The following GLCCI1 variants were observed in gnomAD, a reference collection of about 807,000 sequenced individuals.
GLCCI1 encodes the protein glucocorticoid-induced transcript 1 protein.
GLCCI1 carries 24 observed loss-of-function variants against 52.2 expected under a neutral mutation model. That is an observed-to-expected ratio of 0.46 (90% CI 0.33 to 0.65). The LOEUF (loss-of-function observed/expected upper bound fraction) is 0.65, where lower values mean the gene tolerates loss of function less well. GLCCI1 is among the 30% of genes least tolerant of loss of function. The pLI is 0.02. For synonymous variants in GLCCI1, 310 were observed against 276.5 expected, an observed-to-expected ratio of 1.12 and a Z score of -1.20; for missense variants, 704 against 701.5, an observed-to-expected ratio of 1.00 and a Z score of -0.04.
At chr7:8,081,214 G>A (rs6463760) in intron 6 of GLCCI1, among the ~76,000 whole-genome samples, 14,477 of 152,108 alleles carry the variant, frequency 0.095, 887 homozygotes, top group East Asian at 0.16. Flanking sequence ...CCCCAAGGCA[G>A]TGCTTGGCTC....
intron 5 of GLCCI1, among the ~76,000 whole-genome samples, chr7:8,069,216 C>G (rs1782699600): frequency 6.6e-6 from 1 of 151,862 alleles, no homozygotes; most frequent in Non-Finnish European, 1.5e-5. Flanking sequence ...CTCTGGGGTC[C>G]ACCCCAGAGA....
chr7:7,976,496 A>AAAAAAAAAAAAG (rs1562413199), intron 1 of GLCCI1, among the ~76,000 whole-genome samples: 5 of 143,854 alleles, frequency 3.5e-5, no homozygotes, highest in African/African-American at 1.4e-4. Flanking sequence ...AAAAAAAAAA[A>AAAAAAAAAAAAG]AAGGAAAGGA....
intron 2 of GLCCI1, among the ~76,000 whole-genome samples, chr7:8,019,884 T>C (rs1409606328): frequency 2.0e-5 from 3 of 152,164 alleles, no homozygotes; most frequent in Admixed American, 6.5e-5. Context: ...CCTGCTCCAA[T>C]TGGGTCAGTG....
Position 8,070,963 on chromosome 7 carries a change from C to A in GLCCI1, c.1009C>A (p.His337Asn). ...PDGRRAPLPA[H>N]YRSSSTRSID... ...TGGTCGAAGAGCTCCACTTCCTGCT[C>A]ATTACCGGAGCAGTAGTACTCGCAG... is the stretch of plus-strand genomic sequence containing the variant. Residue 337 changes from histidine (H) to asparagine (N), a missense_variant, in exon 6 of 8, where the codon CAT (histidine) becomes AAT (asparagine). His to Asn is a moderately conservative substitution (Grantham distance 68). Coordinates refer to ENST00000223145, the MANE Select transcript of GLCCI1 (RefSeq NM_138426.4). 1 of 1,614,190 alleles carries A rather than the reference C, an allele frequency of 6.2e-7. No homozygotes were observed. Among genetic ancestry groups the A allele is most frequent in the Non-Finnish European group, 8.5e-7 (1 of 1,180,022 alleles).
intron 1 of GLCCI1, among the ~76,000 whole-genome samples, chr7:7,978,628 G>A (rs1780546840): frequency 1.3e-5 from 2 of 152,088 alleles, no homozygotes; most frequent in Admixed American, 6.5e-5. Context: ...TGTGTTTATT[G>A]TTAGGAGAGC....
Position 8,086,227 on chromosome 7 carries a change from T to G in GLCCI1, c.1333T>G (p.Cys445Gly). 6.2e-6 allele frequency: 10 copies of G among 1,614,100 alleles called. No homozygotes were observed. Among genetic ancestry groups the G allele is most frequent in the Non-Finnish European group, 8.5e-6 (10 of 1,180,002 alleles). ...GCCTATCTCGGCCCCTCTCTTTTCATGTCCTGACAAAAACAAGGTTAATTT... is the reference window on the plus strand; with the variant it reads ...GCCTATCTCGGCCCCTCTCTTTTCAGGTCCTGACAAAAACAAGGTTAATTT... Reference protein sequence around the residue: ...RQPISAPLFSCPDKNKVNFIP... With the variant: ...RQPISAPLFSGPDKNKVNFIP... Residue 445 changes from cysteine to glycine, a missense_variant, in exon 8 of 8, where the codon TGT becomes GGT. Cys to Gly is a radical substitution (Grantham distance 159). This residue lies in a region of GLCCI1 where 149 missense variants were observed against 152.9 expected (regional missense o/e 0.97). Coordinates refer to ENST00000223145, the MANE Select transcript of GLCCI1 (RefSeq NM_138426.4). The surrounding 1 kb of genome is among the most constrained non-coding windows in gnomAD (Gnocchi z 4.4).
chr7:8,059,706 A>T (rs574638033), intron 4 of GLCCI1, among the ~76,000 whole-genome samples: 112 of 152,348 alleles, frequency 7.4e-4, no homozygotes, highest in African/African-American at 2.5e-3. Flanking sequence ...ACATCTTGTA[A>T]ACATACTCAT....
At chr7:7,997,544 G>T (rs1332900011) in intron 1 of GLCCI1, among the ~76,000 whole-genome samples, 1 of 152,080 alleles carries the variant, frequency 6.6e-6, no homozygotes, top group Non-Finnish European at 1.5e-5. Flanking sequence ...TTGGTATTTT[G>T]ATTTCAATGA....
chr7:7,993,400 C>A (rs1357146035), intron 1 of GLCCI1, among the ~76,000 whole-genome samples: 2 of 152,292 alleles, frequency 1.3e-5, no homozygotes, highest in South Asian at 2.1e-4. Flanking sequence ...TCAGTAATTT[C>A]TCTTTACTGT....
At chr7:8,066,557 G>A (rs2127963043) in intron 5 of GLCCI1, among the ~76,000 whole-genome samples, 1 of 150,554 alleles carries the variant, frequency 6.6e-6, no homozygotes, top group East Asian at 1.9e-4. Flanking sequence ...CTTTAGCTGT[G>A]TCCCATAGAA....
At chr7:8,038,119 A>G (rs1258247643) in intron 3 of GLCCI1, among the ~76,000 whole-genome samples, 8 of 152,202 alleles carry the variant, frequency 5.3e-5, no homozygotes, top group African/African-American at 1.4e-4. Context: ...CAGAACACCA[A>G]TGAAGTCACT....
rs143885379 is a variant in GLCCI1 at position 8,081,741 on chromosome 7, T to G, written c.1178-3156T>G. 7.4e-3 allele frequency among the ~76,000 whole-genome samples: 1,128 copies of G among 152,314 alleles called. 16 individuals carry two copies. Among genetic ancestry groups the G allele is most frequent in the African/African-American group, 0.026 (1,071 of 41,586 alleles). The stretch of plus-strand genomic sequence containing the variant: ...TAATTTATTATCATATGTTTAAAAG[T>G]ATTTCAGAAGCTACTCGTATTTTAA... On this transcript the variant is annotated intron_variant, in intron 6 of 7. Transcript: ENST00000223145.
chr7:8,036,681 A>C (rs1007576415), intron 3 of GLCCI1, among the ~76,000 whole-genome samples: 5 of 152,220 alleles, frequency 3.3e-5, no homozygotes, highest in African/African-American at 4.8e-5. Flanking sequence ...ATATAAATGA[A>C]CAGTTTATTA....
At position 8,087,524 on chromosome 7, in the gene GLCCI1, G is replaced by GA. The variant is rs1783142547; in HGVS notation, c.*987dup. 1 of 152,608 alleles carries GA rather than the reference G, an allele frequency of 6.6e-6. No individual in the cohort carries two copies. Among genetic ancestry groups the GA allele is most frequent in the African/African-American group, 2.4e-5 (1 of 41,454 alleles). The allele number at this position is 152,608 out of a possible 1,614,324, so 9.5% of individuals were successfully genotyped here. A position where few individuals can be genotyped will look rare whatever the true frequency, so the allele number is the denominator to read the frequency against. On this transcript the variant is annotated 3_prime_UTR_variant, in exon 8 of 8. Coordinates refer to ENST00000223145, the MANE Select transcript of GLCCI1 (RefSeq NM_138426.4). The stretch of plus-strand genomic sequence containing the variant: ...AAGTGAAGTGTTTGACGGAATGGTT[G>GA]AGATTTTTTTGTTTATGTTAGCCAT...
At position 7,969,274 on chromosome 7, in the gene GLCCI1, C is replaced by G; in HGVS notation, c.-77C>G. The G allele has an allele frequency of 4.7e-6, 6 of 1,281,666 alleles. No homozygotes were observed. The highest frequency in any genetic ancestry group is 1.6e-5 in the African/African-American group (1 of 62,974). 79.4% of individuals were successfully genotyped at this position (1,281,666 alleles called of 1,614,324 possible). A position where few individuals can be genotyped will look rare whatever the true frequency, so the allele number is the denominator to read the frequency against. ...TACACACTCGCACGCACTATCGCGCCGGCTCCCACACGCTCGCGCGCCTCC... is the reference window on the plus strand; with the variant it reads ...TACACACTCGCACGCACTATCGCGCGGGCTCCCACACGCTCGCGCGCCTCC... On this transcript the variant is annotated 5_prime_UTR_variant, in exon 1 of 8. Coordinates refer to ENST00000223145, the MANE Select transcript of GLCCI1 (RefSeq NM_138426.4). This position sits in a 1 kb window ranked among gnomAD's most constrained non-coding sequence, Gnocchi z 4.9.
At chr7:8,062,716 T>C (rs1469845492) in intron 5 of GLCCI1, among the ~76,000 whole-genome samples, 1 of 152,216 alleles carries the variant, frequency 6.6e-6, no homozygotes, top group Admixed American at 6.5e-5. Flanking sequence ...ACAATATGTA[T>C]AGTATTTGGT....
At chr7:8,085,605 G>A (rs1280084480) in intron 7 of GLCCI1, among the ~76,000 whole-genome samples, 1 of 152,170 alleles carries the variant, frequency 6.6e-6, no homozygotes, top group Non-Finnish European at 1.5e-5. Context: ...AGTGGAGGGT[G>A]CAGTGCTCTT....
At chr7:8,046,794 A>G (rs1041872224) in intron 3 of GLCCI1, among the ~76,000 whole-genome samples, 2 of 152,198 alleles carry the variant, frequency 1.3e-5, no homozygotes, top group African/African-American at 4.8e-5. Flanking sequence ...GACATGGGCC[A>G]TGGTCACTCA....
intron 5 of GLCCI1, among the ~76,000 whole-genome samples, chr7:8,064,369 C>T (rs776166485): frequency 1.3e-4 from 20 of 152,120 alleles, no homozygotes; most frequent in Non-Finnish European, 2.8e-4. Flanking sequence ...AGTACTTTCC[C>T]CATTGCTTAT....
Sources: allele counts gnomAD v4.1 joint callset (sites outside exome capture counted in the v4.1 genomes callset), GRCh38; gene constraint gnomAD v4.1.1; regional missense constraint gnomAD v4.1.1; non-coding constraint Gnocchi (gnomAD v3.1); transcripts MANE v1.5; gene names NCBI Gene and HGNC (gene_info 2026-07-23, HGNC 2026-07-21).